KIAA1671: variants seen among roughly 807,000 people sequenced by gnomAD.
The protein encoded by KIAA1671 is KIAA1671.
In KIAA1671, 52 loss-of-function variants were observed where a neutral mutation model predicts 131.2. The observed-to-expected ratio is 0.40, with a 90% CI of 0.32 to 0.50. The LOEUF is 0.50. Among genes scored for constraint, KIAA1671 ranks in the 20% least tolerant of loss-of-function variants. The pLI, the probability that KIAA1671 is intolerant of heterozygous loss-of-function variation, is 0.73. For missense variants in KIAA1671, 2,360 were observed against 2,364.2 expected (o/e 1.00, Z 0.04); for synonymous variants, 1,003 against 961.6 (o/e 1.04, Z -0.80).
chr22:25,115,782 A>G (rs530727265), intron 6 of KIAA1671, among the ~76,000 whole-genome samples: 1 of 151,952 alleles, frequency 6.6e-6, no homozygotes, highest in Non-Finnish European at 1.5e-5. Context: ...ATTTATTTTT[A>G]TTTATTTATT....
chr22:25,049,362 G>A lies in KIAA1671; in HGVS notation c.4528G>A (p.Val1510Met). Residue 1510 changes from valine to methionine, a missense_variant and splice_region_variant, in exon 6 of 13, where the codon GTG becomes ATG. Physicochemically the swap from Val to Met is conservative, Grantham distance 21. Coordinates refer to ENST00000358431, the MANE Select transcript of KIAA1671 (RefSeq NM_001145206.2). ...CAAAGACAGGAGGAGTGGGCCCTTT[G>A]TGGTGAGTGATGCAACATGGCTGGA... is the stretch of plus-strand genomic sequence containing the variant. Reference protein sequence around the residue: ...FCKDRRSGPFVDQLKQCFSRQ... With the variant: ...FCKDRRSGPFMDQLKQCFSRQ... 6.5e-7 allele frequency: 1 copy of A among 1,549,552 alleles called. No homozygotes were observed.
Position 25,179,673 on chromosome 22 carries a change from T to A in KIAA1671, c.5075-2026T>A, listed in dbSNP as rs1388895140. On this transcript the variant is annotated intron_variant, in intron 9 of 12. Transcript: ENST00000358431. ...ACTTATCAGAAACTAGGTAAAACAG[T>A]GTTTTGAAGGTTAGTATATTAATTG... The A allele has an allele frequency of 6.4e-6, 4 of 625,576 alleles. No homozygotes were observed. In the African/African-American group the frequency reaches 7.4e-5, roughly 12 times the overall value. 38.8% of individuals were successfully genotyped at this position (625,576 alleles called of 1,614,324 possible).
intron 6 of KIAA1671, among the ~76,000 whole-genome samples, chr22:25,101,847 C>T (rs1930694341): frequency 6.6e-6 from 1 of 152,086 alleles, no homozygotes; most frequent in East Asian, 1.9e-4. Flanking sequence ...CCCACAGGCT[C>T]GGGACCTGGA....
intron 6 of KIAA1671, 26 bp from the exon 7 acceptor site, chr22:25,170,794 A>G (rs1259900156): frequency 6.5e-7 from 1 of 1,548,582 alleles, no homozygotes; most frequent in Admixed American, 2.0e-5. Flanking sequence ...CCTGGTAGAA[A>G]TCTCACATCT....
At chr22:24,989,056 G>A (rs1255472488) in intron 1 of KIAA1671, among the ~76,000 whole-genome samples, 3 of 152,182 alleles carry the variant, frequency 2.0e-5, no homozygotes, top group South Asian at 4.1e-4. Context: ...CCACTTCTTC[G>A]TGGAGGGAGT....
intron 5 of KIAA1671, among the ~76,000 whole-genome samples, chr22:25,048,599 T>C (rs1873018666): frequency 6.6e-6 from 1 of 152,142 alleles, no homozygotes; most frequent in Admixed American, 6.5e-5. Flanking sequence ...ATATAAAATA[T>C]GCATCCTGGA....
At chr22:25,098,108 C>A (rs1930478201) in intron 6 of KIAA1671, among the ~76,000 whole-genome samples, 1 of 152,164 alleles carries the variant, frequency 6.6e-6, no homozygotes, top group African/African-American at 2.4e-5. Flanking sequence ...TTGACACTTA[C>A]AAAATGGCAA....
chr22:25,152,248 A>G (rs1234203959), intron 6 of KIAA1671, among the ~76,000 whole-genome samples: 3 of 152,212 alleles, frequency 2.0e-5, no homozygotes, highest in Non-Finnish European at 2.9e-5. Context: ...ACACCTGCAT[A>G]ATCAGAACAA....
intron 6 of KIAA1671, among the ~76,000 whole-genome samples, chr22:25,093,846 C>CTG (rs1568951662): frequency 0.012 from 1,116 of 94,548 alleles, 116 homozygotes; most frequent in Middle Eastern, 0.017. Context: ...CTGTCTCTCT[C>CTG]TCTCTCTCTC....
intron 6 of KIAA1671, among the ~76,000 whole-genome samples, chr22:25,069,067 C>G (rs368678093): frequency 6.6e-6 from 1 of 152,128 alleles, no homozygotes; most frequent in African/African-American, 2.4e-5. Context: ...GATCCAGGAG[C>G]GTCTGGCTTG....
At position 25,039,916 on chromosome 22, in the gene KIAA1671, A is replaced by T; in HGVS notation, c.2786A>T (p.Gln929Leu). 6.4e-7 allele frequency: 1 copy of T among 1,551,590 alleles called. No homozygotes were observed. The highest frequency in any genetic ancestry group is 1.4e-5 in the African/African-American group (1 of 73,188). Residue 929 changes from glutamine to leucine, a missense_variant, in exon 5 of 13, where the codon CAG becomes CTG. Gln to Leu is a moderately radical substitution (Grantham distance 113). Transcript: ENST00000358431. The part of the protein sequence containing the change: ...EGDPGPAQVP[Q>L]PAVRMRKAGA... Reference sequence around the variant, plus strand: ...GATCCAGGGCCGGCCCAGGTGCCACAGCCTGCAGTCAGAATGCGGAAAGCC... The same window carrying T: ...GATCCAGGGCCGGCCCAGGTGCCACTGCCTGCAGTCAGAATGCGGAAAGCC...
intron 5 of KIAA1671, 38 bp from the exon 6 acceptor site, chr22:25,049,192 C>A (rs990074948): frequency 3.5e-5 from 53 of 1,534,318 alleles, no homozygotes; most frequent in Admixed American, 1.8e-4. Flanking sequence ...AATGAGAAGG[C>A]TCCCAGTAAA....
intron 1 of KIAA1671, among the ~76,000 whole-genome samples, chr22:25,019,679 G>C (rs1346843378): frequency 8.9e-6 from 1 of 112,258 alleles, no homozygotes; most frequent in Non-Finnish European, 1.8e-5. Context: ...TCATGACCTT[G>C]AATACAAAAA....
Position 25,027,788 on chromosome 22 carries a change from G to A in KIAA1671, c.-55-157G>A, listed in dbSNP as rs1012788854. Among the ~76,000 whole-genome samples, 600 of 152,338 alleles carry A rather than the reference G, an allele frequency of 3.9e-3. 5 individuals carry two copies. The highest frequency in any genetic ancestry group is 0.014 in the African/African-American group (572 of 41,564). Reference sequence around the variant, plus strand: ...CCCCTCGTCCAGAGCTCAGAGACGGGGAGAGGCAGGCCCAAGCCTGCCGGG... The same window carrying A: ...CCCCTCGTCCAGAGCTCAGAGACGGAGAGAGGCAGGCCCAAGCCTGCCGGG... On this transcript the variant is annotated intron_variant, in intron 2 of 12. Coordinates refer to ENST00000358431, the MANE Select transcript of KIAA1671 (RefSeq NM_001145206.2).
rs115291097 is a variant in KIAA1671, at chr22:25,069,155, C to T, written c.4530+19791C>T. Reference sequence around the variant, plus strand: ...TTGACCCTGTGAGTTTTGGTTTCCTCATCTGGACAGTAGAAGTGATGATAC... The same window carrying T: ...TTGACCCTGTGAGTTTTGGTTTCCTTATCTGGACAGTAGAAGTGATGATAC... On this transcript the variant is annotated intron_variant, in intron 6 of 12. Coordinates refer to ENST00000358431, the MANE Select transcript of KIAA1671 (RefSeq NM_001145206.2). Among the ~76,000 whole-genome samples the T allele has an allele frequency of 2.3e-3, 344 of 152,218 alleles. 1 individual carries two copies. The highest frequency in any genetic ancestry group is 7.9e-3 in the African/African-American group (327 of 41,536).
At chr22:25,088,288 A>C (rs1020500402) in intron 6 of KIAA1671, among the ~76,000 whole-genome samples, 1 of 151,998 alleles carries the variant, frequency 6.6e-6, no homozygotes, top group African/African-American at 2.4e-5. Flanking sequence ...TTGTATTCTT[A>C]GTAGAGACAG....
chr22:24,980,297 C>T (rs183081946), intron 1 of KIAA1671, among the ~76,000 whole-genome samples: 10 of 133,906 alleles, frequency 7.5e-5, no homozygotes, highest in East Asian at 4.3e-4. Context: ...TTTGAGACGG[C>T]GTCTTGCTCT....
At chr22:25,115,420 T>G (rs1931601938) in intron 6 of KIAA1671, among the ~76,000 whole-genome samples, 1 of 152,156 alleles carries the variant, frequency 6.6e-6, no homozygotes, top group Non-Finnish European at 1.5e-5. Flanking sequence ...CTGAGTGACC[T>G]TGGGCAGCTT....
At chr22:24,996,672 GAGTA>G (rs1779069743) in intron 1 of KIAA1671, among the ~76,000 whole-genome samples, 1 of 152,212 alleles carries the variant, frequency 6.6e-6, no homozygotes, top group Non-Finnish European at 1.5e-5. Flanking sequence ...TGAAGCCACA[GAGTA>G]AGTCCTGCCT....
Sources: gnomAD v4.1 joint callset for allele counts (sites outside exome capture counted in the v4.1 genomes callset) on GRCh38, gnomAD v4.1.1 for gene constraint, MANE v1.5 for transcripts, NCBI Gene and HGNC (gene_info 2026-07-23, HGNC 2026-07-21) for gene names.